EPS15L1: variants seen among roughly 807,000 people sequenced by gnomAD.
The protein encoded by EPS15L1 is epidermal growth factor receptor substrate 15-like 1.
EPS15L1 carries 43 observed loss-of-function variants against 117.1 expected under a neutral mutation model. That is an observed-to-expected ratio of 0.37 (90% CI 0.29 to 0.47). The LOEUF is 0.47. Ranked by LOEUF, EPS15L1 falls within the 20% of genes least tolerant of loss-of-function variation. EPS15L1 has a pLI of 0.99. For missense variants in EPS15L1, 981 were observed against 1,164.0 expected (o/e 0.84, Z 2.29); for synonymous variants, 459 against 470.5 (o/e 0.98, Z 0.32).
chr19:16,388,729 A>G (rs2092447383), intron 19 of EPS15L1, among the ~76,000 whole-genome samples: 1 of 152,126 alleles, frequency 6.6e-6, no homozygotes, highest in Non-Finnish European at 1.5e-5. Context: ...CGAGAGGCTG[A>G]GGCAGGAGAA....
chr19:16,417,185 C>T (rs1238984826), intron 12 of EPS15L1, among the ~76,000 whole-genome samples: 1 of 152,136 alleles, frequency 6.6e-6, no homozygotes, highest in Non-Finnish European at 1.5e-5. Context: ...CAGGCTGTGC[C>T]CATGACCTGC....
chr19:16,442,855 T>C (rs982415398), intron 1 of EPS15L1, among the ~76,000 whole-genome samples: 15 of 152,176 alleles, frequency 9.9e-5, no homozygotes, highest in African/African-American at 3.6e-4. Flanking sequence ...CCCCAAGACA[T>C]CGCTGTTTGG....
intron 17 of EPS15L1, 121 bp downstream of exon 17, chr19:16,395,223 A>G: frequency 1.1e-6 from 1 of 930,400 alleles, no homozygotes; most frequent in Non-Finnish European, 1.6e-6. Context: ...AAAAAAAGGC[A>G]TTCCTTTCCC....
chr19:16,379,511 T>C (rs186708740), intron 21 of EPS15L1, among the ~76,000 whole-genome samples: 20 of 152,212 alleles, frequency 1.3e-4, no homozygotes, highest in Admixed American at 1.3e-3. Context: ...ATTGCAGATG[T>C]GGGGGAAAAG....
intron 1 of EPS15L1, among the ~76,000 whole-genome samples, chr19:16,444,171 CA>C (rs61347144): frequency 0.029 from 2,037 of 71,068 alleles, 28 homozygotes; most frequent in African/African-American, 0.083. Flanking sequence ...GGGAAAAAGT[CA>C]AAAAAAAAAA....
intron 4 of EPS15L1, among the ~76,000 whole-genome samples, chr19:16,439,730 C>T (rs1035987501): frequency 1.3e-5 from 2 of 151,608 alleles, no homozygotes; most frequent in African/African-American, 4.8e-5. Flanking sequence ...TGCAGACATG[C>T]ACCATGAACC....
At chr19:16,375,439 G>C (rs2092282949) in intron 22 of EPS15L1, among the ~76,000 whole-genome samples, 1 of 151,438 alleles carries the variant, frequency 6.6e-6, no homozygotes, top group African/African-American at 2.4e-5. Flanking sequence ...TGTGCCAGCT[G>C]TGTGCATGCA....
At chr19:16,421,726 C>A (rs2092815795) in intron 9 of EPS15L1, among the ~76,000 whole-genome samples, 1 of 152,138 alleles carries the variant, frequency 6.6e-6, no homozygotes, top group South Asian at 2.1e-4. Flanking sequence ...CCCCATCACC[C>A]GCTCTCCTTG....
rs577658177 is a variant in EPS15L1 at position 16,439,843 on chromosome 19, G to A, written c.213+1019C>T. ...CCCTTCTAACAAAATGGCCATCTACGACCACTTAAAATCACTTATAAGTAC... is the reference window on the plus strand; with the variant it reads ...CCCTTCTAACAAAATGGCCATCTACAACCACTTAAAATCACTTATAAGTAC... On this transcript the variant is annotated intron_variant, in intron 4 of 23. Coordinates refer to ENST00000455140, the MANE Select transcript of EPS15L1 (RefSeq NM_001258374.3). Among the ~76,000 whole-genome samples, 13 of 151,484 alleles carry A rather than the reference G, an allele frequency of 8.6e-5. No individual in the cohort carries two copies. The East Asian group carries it at 1.9e-3, about 23-fold the overall frequency.
intron 20 of EPS15L1, among the ~76,000 whole-genome samples, 158 bp from the exon 21 acceptor site, chr19:16,385,369 GC>G (rs1248953976): frequency 3.9e-5 from 6 of 152,082 alleles, no homozygotes; most frequent in African/African-American, 1.4e-4. Flanking sequence ...TCTCAGCAAG[GC>G]CCCCCTGCCC....
chr19:16,429,057 A>G (rs538137431), intron 7 of EPS15L1, among the ~76,000 whole-genome samples: 3 of 149,550 alleles, frequency 2.0e-5, no homozygotes, highest in South Asian at 2.1e-4. Flanking sequence ...ATTGTCTTAC[A>G]GAGACATCTT....
At position 16,370,334 on chromosome 19, in the gene EPS15L1, G is replaced by A. The variant is rs574675958; in HGVS notation, c.2380+6788C>T. Among the ~76,000 whole-genome samples the A allele has an allele frequency of 6.6e-6, 1 of 152,248 alleles. No homozygotes were observed. Among genetic ancestry groups the A allele is most frequent in the South Asian group, 2.1e-4 (1 of 4,826 alleles). On this transcript the variant is annotated intron_variant, in intron 22 of 23. Transcript: ENST00000455140. The surrounding 1 kb of genome is among the most constrained non-coding windows in gnomAD (Gnocchi z 5.2). ...ACCCCGCCAGAAAAGCAGGGAGGCGGTGCCCAGAGCTGCACCCAGAGCCCC... is the reference window on the plus strand; with the variant it reads ...ACCCCGCCAGAAAAGCAGGGAGGCGATGCCCAGAGCTGCACCCAGAGCCCC...
rs2092203521 is a variant in EPS15L1, at chr19:16,370,308, C to T, written c.2380+6814G>A. On this transcript the variant is annotated intron_variant, in intron 22 of 23. Coordinates refer to ENST00000455140, the MANE Select transcript of EPS15L1 (RefSeq NM_001258374.3). The surrounding 1 kb of genome is among the most constrained non-coding windows in gnomAD (Gnocchi z 5.2). ...GAGATGAAAGATGAGGGGCCATGTT[C>T]ACCCCGCCAGAAAAGCAGGGAGGCG... Among the ~76,000 whole-genome samples the T allele has an allele frequency of 6.6e-6, 1 of 152,150 alleles. No individual in the cohort carries two copies. The highest frequency in any genetic ancestry group is 2.1e-4 in the South Asian group (1 of 4,836).
At chr19:16,397,874 T>C (rs945734785) in intron 16 of EPS15L1, among the ~76,000 whole-genome samples, 2 of 152,156 alleles carry the variant, frequency 1.3e-5, no homozygotes, top group East Asian at 1.9e-4. Flanking sequence ...AGACACACCC[T>C]CAGTGAAAAC....
intron 4 of EPS15L1, among the ~76,000 whole-genome samples, chr19:16,438,506 G>C (rs2092998009): frequency 6.6e-6 from 1 of 152,152 alleles, no homozygotes; most frequent in African/African-American, 2.4e-5. Flanking sequence ...ACATGGTTAA[G>C]GTTACGAATG....
chr19:16,362,921 C>T (rs549977362), intron 22 of EPS15L1, among the ~76,000 whole-genome samples: 6 of 152,216 alleles, frequency 3.9e-5, no homozygotes, highest in South Asian at 2.1e-4. Context: ...CCAGGATGCC[C>T]GGTCCCAGCA....
chr19:16,442,002 G>T (rs1208973145), intron 2 of EPS15L1, 21 bp from the exon 3 acceptor site: 1 of 1,599,870 alleles, frequency 6.3e-7, no homozygotes, highest in Non-Finnish European at 8.5e-7. Context: ...AGACCAAGAG[G>T]CAAAATAACT....
chr19:16,387,522 A>C (rs2092432382), intron 19 of EPS15L1, among the ~76,000 whole-genome samples: 1 of 152,202 alleles, frequency 6.6e-6, no homozygotes, highest in African/African-American at 2.4e-5. Flanking sequence ...CAGAAGAATC[A>C]CTTGAACCCA....
intron 22 of EPS15L1, 136 bp from the exon 23 acceptor site, chr19:16,362,120 C>T (rs1473533438): frequency 3.5e-6 from 3 of 865,584 alleles, no homozygotes; most frequent in South Asian, 1.9e-5. Flanking sequence ...ACAGGCTGGA[C>T]GGGGGTACCC....
Sources: gnomAD v4.1 joint callset for allele counts (sites outside exome capture counted in the v4.1 genomes callset) on GRCh38, gnomAD v4.1.1 for gene constraint, Gnocchi (gnomAD v3.1) non-coding constraint, MANE v1.5 for transcripts, NCBI Gene and HGNC (gene_info 2026-07-23, HGNC 2026-07-21) for gene names.